PXDNL: variants seen among roughly 807,000 people sequenced by gnomAD.
PXDNL encodes peroxidasin like.
In PXDNL, 145 loss-of-function variants were observed where a neutral mutation model predicts 150.8. The observed-to-expected ratio is 0.96, with a 90% CI of 0.84 to 1.10. The LOEUF is 1.10. Among genes scored for constraint, PXDNL ranks in the 50% least tolerant of loss-of-function variants. PXDNL has a pLI of 0.00. For missense variants in PXDNL, 2,087 were observed against 1,873.9 expected (o/e 1.11, Z -2.10); for synonymous variants, 757 against 725.7 (o/e 1.04, Z -0.69).
intron 1 of PXDNL, among the ~76,000 whole-genome samples, chr8:51,788,001 T>G (rs761700312): frequency 6.6e-6 from 1 of 152,204 alleles, no homozygotes; most frequent in Non-Finnish European, 1.5e-5. Flanking sequence ...TGGCGAAGGC[T>G]CCAATGATCA....
intron 1 of PXDNL, among the ~76,000 whole-genome samples, chr8:51,742,014 G>A (rs573051789): frequency 6.6e-6 from 1 of 152,258 alleles, no homozygotes; most frequent in African/African-American, 2.4e-5. Context: ...TAATCAAAGG[G>A]TTAAACAACC....
intron 3 of PXDNL, among the ~76,000 whole-genome samples, chr8:51,568,074 G>A (rs1315415880): frequency 6.6e-6 from 1 of 151,442 alleles, no homozygotes. Flanking sequence ...AATTATTCCT[G>A]TCATTCCACT....
chr8:51,608,002 GAAGA>G lies in PXDNL; in HGVS notation c.237-15308_237-15305del, dbSNP rs71237219. On this transcript the variant is annotated intron_variant, in intron 2 of 22. Coordinates refer to ENST00000356297, the MANE Select transcript of PXDNL (RefSeq NM_144651.5). ...GGAAGGAAGAGAGAGAGGAAGGAAGGAAGAAAGAAAGAAAGAAAGAAAGAAAGAA... is the reference window on the plus strand; with the variant it reads ...GGAAGGAAGAGAGAGAGGAAGGAAGGAAGAAAGAAAGAAAGAAAGAAAGAA... Among the ~76,000 whole-genome samples the G allele has an allele frequency of 6.6e-3, 429 of 64,580 alleles. 5 individuals are homozygous for G. The highest frequency in any genetic ancestry group is 8.9e-3 in the Admixed American group (52 of 5,852). The allele number at this position is 64,580 out of a possible 152,430, so 42.4% of individuals were successfully genotyped here.
In PXDNL at chr8:51,389,060, T is replaced by C. The variant is rs138908442; in HGVS notation, c.3558-14329A>G. Among the ~76,000 whole-genome samples, 385 of 152,334 alleles carry C rather than the reference T, an allele frequency of 2.5e-3. 2 individuals are homozygous for C. The highest frequency in any genetic ancestry group is 8.9e-3 in the African/African-American group (370 of 41,574). ...TTGTTTTGTTGCTTTTCATTTATTC[T>C]CATTGCTGACTATCTTGCAGCTACA... On this transcript the variant is annotated intron_variant, in intron 17 of 22. Transcript: ENST00000356297.
At chr8:51,400,655 T>A (rs1451711271) in intron 17 of PXDNL, among the ~76,000 whole-genome samples, 2 of 152,212 alleles carry the variant, frequency 1.3e-5, no homozygotes, top group Non-Finnish European at 1.5e-5. Context: ...GGCATGTGTG[T>A]CTTCTGTGTT....
chr8:51,639,463 A>C (rs78097453), intron 2 of PXDNL, among the ~76,000 whole-genome samples: 59,399 of 151,898 alleles, frequency 0.39, 14,326 homozygotes, highest in African/African-American at 0.69. Context: ...TAGCAAGACT[A>C]ATAAAGAAGA....
At chr8:51,751,499 T>A (rs1200035949) in intron 1 of PXDNL, among the ~76,000 whole-genome samples, 3 of 152,234 alleles carry the variant, frequency 2.0e-5, no homozygotes, top group Non-Finnish European at 2.9e-5. Flanking sequence ...GGAGCTCATG[T>A]TTTCTCTGAT....
At chr8:51,364,004 G>A (rs956720851) in intron 19 of PXDNL, among the ~76,000 whole-genome samples, 6 of 152,192 alleles carry the variant, frequency 3.9e-5, no homozygotes, top group Non-Finnish European at 8.8e-5. Context: ...AGGTATTGTA[G>A]ATTAATGACA....
intron 3 of PXDNL, among the ~76,000 whole-genome samples, chr8:51,563,506 G>C (rs78116495): frequency 0.042 from 6,368 of 151,946 alleles, 292 homozygotes; most frequent in African/African-American, 0.11. Flanking sequence ...TAGGAGTCTT[G>C]GGAGGATACA....
chr8:51,755,412 A>G (rs1169572631), intron 1 of PXDNL, among the ~76,000 whole-genome samples: 1 of 151,868 alleles, frequency 6.6e-6, no homozygotes. Context: ...CTCCTGCCTC[A>G]GCCTCCTGAG....
At chr8:51,754,887 TA>T (rs950631917) in intron 1 of PXDNL, among the ~76,000 whole-genome samples, 12 of 151,958 alleles carry the variant, frequency 7.9e-5, no homozygotes, top group African/African-American at 2.9e-4. Context: ...CATTCAGCAT[TA>T]AAAAAAAAAT....
intron 3 of PXDNL, among the ~76,000 whole-genome samples, chr8:51,578,414 C>T (rs996286533): frequency 3.3e-5 from 5 of 151,774 alleles, no homozygotes; most frequent in African/African-American, 1.2e-4. Flanking sequence ...AGGTATAAAC[C>T]TACCAAAAGC....
intron 19 of PXDNL, among the ~76,000 whole-genome samples, chr8:51,346,481 G>A (rs1806162263): frequency 6.6e-6 from 1 of 152,188 alleles, no homozygotes; most frequent in Admixed American, 6.5e-5. Flanking sequence ...AAAAAGATAT[G>A]AGAATAACAT....
At chr8:51,617,292 T>C (rs910240579) in intron 2 of PXDNL, among the ~76,000 whole-genome samples, 6 of 152,242 alleles carry the variant, frequency 3.9e-5, no homozygotes, top group Admixed American at 6.5e-5. Context: ...CAGCATTTGT[T>C]ACTGTATATT....
chr8:51,809,310 AAG>A lies in PXDNL; in HGVS notation c.33_34del (p.Phe12SerfsTer20), dbSNP rs768951624. ...TGGCAGGCACCACCCGGCCAGGAGA[AAG>A]AGAGTGGTCCAGCAGAACAGTCTGG... is the stretch of plus-strand genomic sequence containing the variant. On this transcript the variant is annotated frameshift_variant, in exon 1 of 23. Transcript: ENST00000356297. LOFTEE classifies it high-confidence loss of function. 7.0e-6 allele frequency: 11 copies of A among 1,572,684 alleles called. No individual in the cohort carries two copies. Among genetic ancestry groups the A allele is most frequent in the South Asian group, 5.8e-5 (5 of 86,062 alleles).
intron 2 of PXDNL, among the ~76,000 whole-genome samples, chr8:51,634,292 G>A (rs73572372): frequency 0.028 from 4,297 of 152,070 alleles, 198 homozygotes; most frequent in African/African-American, 0.097. Context: ...TTGGCTGTAG[G>A]TGTGAAGCTT....
chr8:51,345,785 C>T (rs1389774324), intron 20 of PXDNL, 48 bp downstream of exon 20: 6 of 1,188,634 alleles, frequency 5.0e-6, no homozygotes, highest in Non-Finnish European at 6.2e-6. Flanking sequence ...AGGTTTGAAG[C>T]AAATCTATAG....
intron 1 of PXDNL, among the ~76,000 whole-genome samples, chr8:51,700,703 G>T (rs547584256): frequency 3.3e-5 from 5 of 149,796 alleles, no homozygotes; most frequent in Non-Finnish European, 7.4e-5. Context: ...CATACACACA[G>T]ACACACATAG....
intron 1 of PXDNL, among the ~76,000 whole-genome samples, chr8:51,657,031 T>C (rs1815165389): frequency 6.6e-6 from 1 of 152,190 alleles, no homozygotes; most frequent in Admixed American, 6.5e-5. Flanking sequence ...GTTGAAAACA[T>C]TGTAAGTCAA....
Sources: allele counts gnomAD v4.1 joint callset (sites outside exome capture counted in the v4.1 genomes callset), GRCh38; gene constraint gnomAD v4.1.1; transcripts MANE v1.5; gene names NCBI Gene and HGNC (gene_info 2026-07-23, HGNC 2026-07-21).